The following PHACTR2 variants were observed in gnomAD, a reference collection of about 807,000 sequenced individuals.
The protein encoded by PHACTR2 is chromosome 6 open reading frame 56.
A neutral mutation model predicts 76.0 loss-of-function variants in PHACTR2; 30 were observed. The observed-to-expected ratio is 0.39, with a 90% CI of 0.30 to 0.54. PHACTR2 has a LOEUF of 0.54. Ranked by LOEUF, PHACTR2 falls within the 20% of genes least tolerant of loss-of-function variation. PHACTR2 has a pLI of 0.61. For synonymous variants in PHACTR2, 292 were observed against 292.5 expected, an observed-to-expected ratio of 1.00 and a Z score of 0.02; for missense variants, 696 against 781.1, an observed-to-expected ratio of 0.89 and a Z score of 1.30.
chr6:143,668,432 T>A (rs1777085334), intron 1 of PHACTR2, among the ~76,000 whole-genome samples: 1 of 152,198 alleles, frequency 6.6e-6, no homozygotes, highest in Admixed American at 6.5e-5. Flanking sequence ...TTGTTTGGAA[T>A]AATTTCATAA....
At chr6:143,572,179 C>G (rs1582678892) in intron 1 of PHACTR2, among the ~76,000 whole-genome samples, 1 of 152,252 alleles carries the variant, frequency 6.6e-6, no homozygotes, top group South Asian at 2.1e-4. Flanking sequence ...CTAAGAAATT[C>G]TTTTGGCCCC....
Position 143,806,958 on chromosome 6 carries a change from T to TAAA in PHACTR2, c.1846-87_1846-85dup. On this transcript the variant is annotated intron_variant, in intron 11 of 12. Coordinates refer to ENST00000440869, the MANE Select transcript of PHACTR2 (RefSeq NM_001100164.2). The surrounding 1 kb of genome is among the most constrained non-coding windows in gnomAD (Gnocchi z 5.8). Reference sequence around the variant, plus strand: ...GATGACAGAGCGAGACTCTATCTCTTAAAAAAAAAAAAAAGGTCTGCTTCA... The same window carrying TAAA: ...GATGACAGAGCGAGACTCTATCTCTTAAAAAAAAAAAAAAAAAGGTCTGCTTCA... The TAAA allele has an allele frequency of 3.2e-5, 16 of 507,774 alleles. No homozygotes were observed. The highest frequency in any genetic ancestry group is 3.9e-5 in the Admixed American group (1 of 25,318). The allele number at this position is 507,774 out of a possible 1,614,324, so 31.5% of individuals were successfully genotyped here. A position where few individuals can be genotyped will look rare whatever the true frequency, so the allele number is the denominator to read the frequency against.
chr6:143,815,748 C>T (rs757120827), intron 12 of PHACTR2, among the ~76,000 whole-genome samples: 1 of 151,836 alleles, frequency 6.6e-6, no homozygotes, highest in Non-Finnish European at 1.5e-5. Context: ...AAAAATTAGC[C>T]GGGCATGGTG....
rs1423281170 is a variant in PHACTR2 at position 143,795,091 on chromosome 6, A to G, written c.1845+6181A>G. ...GGGAGAAATGCCTTATTAATTGTGA[A>G]CTTGATTGAGCTTTATTCACCTTTA... is the stretch of plus-strand genomic sequence containing the variant. On this transcript the variant is annotated intron_variant, in intron 11 of 12. Transcript: ENST00000440869. The surrounding 1 kb of genome is among the most constrained non-coding windows in gnomAD (Gnocchi z 4.8). 6.6e-6 allele frequency among the ~76,000 whole-genome samples: 1 copy of G among 152,138 alleles called. No homozygotes were observed. The highest frequency in any genetic ancestry group is 1.5e-5 in the Non-Finnish European group (1 of 68,030).
Position 143,578,500 on chromosome 6 carries a change from G to A in PHACTR2, c.217+41293G>A, listed in dbSNP as rs145470541. Among the ~76,000 whole-genome samples, 47 of 152,264 alleles carry A rather than the reference G, an allele frequency of 3.1e-4. 1 individual carries two copies. The highest frequency in any genetic ancestry group is 5.3e-4 in the Non-Finnish European group (36 of 68,022). On this transcript the variant is annotated intron_variant, in intron 1 of 11. Coordinates refer to the PHACTR2 transcript ENST00000367584. This position sits in a 1 kb window ranked among gnomAD's most constrained non-coding sequence, Gnocchi z 4.5. Reference sequence around the variant, plus strand: ...ATTGACTGTGGGGAAGAATGGGGCCGAAATGCAGCCCATACCCTGCTTGCC... The same window carrying A: ...ATTGACTGTGGGGAAGAATGGGGCCAAAATGCAGCCCATACCCTGCTTGCC...
In PHACTR2 at chr6:143,550,311, C is replaced by T. The variant is rs1775079020; in HGVS notation, c.217+13104C>T. 2.0e-5 allele frequency among the ~76,000 whole-genome samples: 3 copies of T among 151,992 alleles called. No homozygotes were observed. The highest frequency in any genetic ancestry group is 7.2e-5 in the African/African-American group (3 of 41,400). On this transcript the variant is annotated intron_variant, in intron 1 of 11. Transcript: ENST00000367584. This position sits in a 1 kb window ranked among gnomAD's most constrained non-coding sequence, Gnocchi z 4.8. ...CGCTGCTGGTCCTCGGACCACACTTCAAGGGAAGCAAGTCTGTATGGAGAG... is the reference window on the plus strand; with the variant it reads ...CGCTGCTGGTCCTCGGACCACACTTTAAGGGAAGCAAGTCTGTATGGAGAG...
rs571053426 is a variant in PHACTR2, at chr6:143,697,522, A to G, written c.47-14494A>G. Among the ~76,000 whole-genome samples, 8 of 152,210 alleles carry G rather than the reference A, an allele frequency of 5.3e-5. No homozygotes were observed. Among genetic ancestry groups the G allele is most frequent in the Non-Finnish European group, 8.8e-5 (6 of 68,024 alleles). On this transcript the variant is annotated intron_variant, in intron 1 of 12. Coordinates refer to ENST00000440869, the MANE Select transcript of PHACTR2 (RefSeq NM_001100164.2). The surrounding 1 kb of genome is among the most constrained non-coding windows in gnomAD (Gnocchi z 4.4). ...GTCTTTGATGAATTGTCTTTCAATT[A>G]CCTTGTAAAGAGCAATTAAGTGTTT... is the stretch of plus-strand genomic sequence containing the variant.
At chr6:143,613,101 C>T (rs1419884637) in intron 1 of PHACTR2, among the ~76,000 whole-genome samples, 1 of 152,196 alleles carries the variant, frequency 6.6e-6, no homozygotes, top group East Asian at 1.9e-4. Context: ...CTCAGCCTCC[C>T]GAGTAGCTGG....
intron 1 of PHACTR2, among the ~76,000 whole-genome samples, chr6:143,568,404 G>T (rs1345334077): frequency 2.6e-5 from 4 of 152,224 alleles, no homozygotes; most frequent in Non-Finnish European, 5.9e-5. Context: ...AAGCAAAGCT[G>T]TAGAAACTAG....
At position 143,693,113 on chromosome 6, in the gene PHACTR2, T is replaced by C. The variant is rs547050636; in HGVS notation, c.46+14904T>C. 5.3e-5 allele frequency among the ~76,000 whole-genome samples: 8 copies of C among 152,310 alleles called. No homozygotes were observed. The East Asian group carries it at 1.5e-3, about 29-fold the overall frequency. ...CCATATGACCTCATTTTACCTTAAT[T>C]TTACTTTTTTAAAGGACCTGTATTC... On this transcript the variant is annotated intron_variant, in intron 1 of 12. Coordinates refer to ENST00000440869, the MANE Select transcript of PHACTR2 (RefSeq NM_001100164.2).
chr6:143,653,406 G>GA lies in PHACTR2; in HGVS notation c.13+45091dup, dbSNP rs1342539473. On this transcript the variant is annotated intron_variant, in intron 1 of 11. Coordinates refer to the PHACTR2 transcript ENST00000305766. The surrounding 1 kb of genome is among the most constrained non-coding windows in gnomAD (Gnocchi z 4.9). Reference sequence around the variant, plus strand: ...ATACAGACTGTGGAGATGGGCAAAGGAAAAAAATCTCCAAGCTTTTTGATA... The same window carrying GA: ...ATACAGACTGTGGAGATGGGCAAAGGAAAAAAAATCTCCAAGCTTTTTGATA... 9.2e-5 allele frequency among the ~76,000 whole-genome samples: 14 copies of GA among 151,948 alleles called. No individual in the cohort carries two copies. The highest frequency in any genetic ancestry group is 1.8e-4 in the Non-Finnish European group (12 of 67,976).
rs1775208644 is a variant in PHACTR2 at position 143,558,266 on chromosome 6, T to TAGGAA, written c.217+21059_217+21060insAGGAA. 4 of 152,170 alleles carry TAGGAA rather than the reference T, an allele frequency of 2.6e-5. No individual in the cohort carries two copies. The highest frequency in any genetic ancestry group is 5.9e-5 in the Non-Finnish European group (4 of 68,032). 9.4% of individuals were successfully genotyped at this position (152,170 alleles called of 1,614,324 possible). ...ATGATATTAAGGAATTAATGTTCCT[T>TAGGAA]CTTAGGTGTGAAATAATATTGTGGT... On this transcript the variant is annotated intron_variant, in intron 1 of 11. Transcript: ENST00000367584. The surrounding 1 kb of genome is among the most constrained non-coding windows in gnomAD (Gnocchi z 4.7).
intron 1 of PHACTR2, among the ~76,000 whole-genome samples, chr6:143,564,715 G>A (rs985572045): frequency 1.3e-5 from 2 of 152,244 alleles, no homozygotes; most frequent in African/African-American, 4.8e-5. Flanking sequence ...CTGGCTGATC[G>A]GACGGCAGTT....
rs999968501 is a variant in PHACTR2 at position 143,782,183 on chromosome 6, G to T, written c.1646-1036G>T. ...GGAGGTTGCGGTGAGCCAAGATCGC[G>T]CCACTGCACTCTAGCCTGGGTGACA... On this transcript the variant is annotated intron_variant, in intron 9 of 12. Transcript: ENST00000440869. This position sits in a 1 kb window ranked among gnomAD's most constrained non-coding sequence, Gnocchi z 4.6. Among the ~76,000 whole-genome samples the T allele has an allele frequency of 1.3e-5, 2 of 152,166 alleles. No homozygotes were observed. Among genetic ancestry groups the T allele is most frequent in the Middle Eastern group, 3.4e-3 (1 of 294 alleles).
chr6:143,805,020 G>T (rs570131268), intron 11 of PHACTR2, among the ~76,000 whole-genome samples: 65 of 152,286 alleles, frequency 4.3e-4, no homozygotes, highest in African/African-American at 1.5e-3. Flanking sequence ...GGAGTGAAGT[G>T]ACTCACTAAG....
Position 143,750,330 on chromosome 6 carries a change from A to G in PHACTR2, c.295+1265A>G, listed in dbSNP as rs1382702206. On this transcript the variant is annotated intron_variant, in intron 3 of 12. Transcript: ENST00000440869. The surrounding 1 kb of genome is among the most constrained non-coding windows in gnomAD (Gnocchi z 4.6). ...TCCTGTTTGAGACTTTTAAGAGTTA[A>G]AAATGCACATTTCTAACTTTTTAAA... Among the ~76,000 whole-genome samples the G allele has an allele frequency of 6.6e-6, 1 of 152,190 alleles. No individual in the cohort carries two copies. The highest frequency in any genetic ancestry group is 1.5e-5 in the Non-Finnish European group (1 of 68,028).
rs1445600436 is a variant in PHACTR2, at chr6:143,824,659, A to C, written c.*970A>C. On this transcript the variant is annotated 3_prime_UTR_variant, in exon 13 of 13. Transcript: ENST00000440869. This position sits in a 1 kb window ranked among gnomAD's most constrained non-coding sequence, Gnocchi z 6.3. The stretch of plus-strand genomic sequence containing the variant: ...TCATGACACCTGTAATAAAAACTTG[A>C]ATCCAAAGTCAAAACTTAAGCAAGA... 2 of 152,578 alleles carry C rather than the reference A, an allele frequency of 1.3e-5. No individual in the cohort carries two copies. Among genetic ancestry groups the C allele is most frequent in the Non-Finnish European group, 2.9e-5 (2 of 68,020 alleles). 9.5% of individuals were successfully genotyped at this position (152,578 alleles called of 1,614,324 possible). A position where few individuals can be genotyped will look rare whatever the true frequency, so the allele number is the denominator to read the frequency against.
chr6:143,711,431 A>T (rs1778174718), intron 1 of PHACTR2, among the ~76,000 whole-genome samples: 1 of 152,248 alleles, frequency 6.6e-6, no homozygotes, highest in African/African-American at 2.4e-5. Context: ...TTTTTATCAC[A>T]CACAGTACCC....
upstream of PHACTR2, among the ~76,000 whole-genome samples, chr6:143,673,304 C>T (rs1777188972): frequency 6.8e-6 from 1 of 147,532 alleles, no homozygotes; most frequent in Admixed American, 6.9e-5. Context: ...TATATTATTA[C>T]CAAAATTTTA....
Sources: allele counts gnomAD v4.1 joint callset (sites outside exome capture counted in the v4.1 genomes callset), GRCh38; gene constraint gnomAD v4.1.1; non-coding constraint Gnocchi (gnomAD v3.1); transcripts MANE v1.5; gene names NCBI Gene and HGNC (gene_info 2026-07-23, HGNC 2026-07-21).